CAP2: variants seen among roughly 807,000 people sequenced by gnomAD.
CAP2 encodes adenylyl cyclase-associated protein 2.
In CAP2, 24 loss-of-function variants were observed where a neutral mutation model predicts 57.7. The ratio of observed to expected loss-of-function variants is 0.42; its 90% CI spans 0.30 to 0.58. The LOEUF (loss-of-function observed/expected upper bound fraction) is 0.58, where lower values mean the gene tolerates loss of function less well. CAP2 is among the 20% of genes least tolerant of loss of function. The pLI is 0.22. For missense variants in CAP2, 501 were observed against 590.3 expected, an observed-to-expected ratio of 0.85 and a Z score of 1.57; for synonymous variants, 194 against 207.2, an observed-to-expected ratio of 0.94 and a Z score of 0.55.
At chr6:17,433,900 A>G (rs551788742) in intron 3 of CAP2, among the ~76,000 whole-genome samples, 96 of 152,298 alleles carry the variant, frequency 6.3e-4, no homozygotes, top group Middle Eastern at 3.4e-3. Flanking sequence ...CTATCTCACT[A>G]AACATCCTAA....
At chr6:17,506,070 A>AT (rs991798579) in intron 4 of CAP2, among the ~76,000 whole-genome samples, 14 of 150,130 alleles carry the variant, frequency 9.3e-5, no homozygotes, top group Admixed American at 2.0e-4. Context: ...CATTTTTCAC[A>AT]TTTTTTTTTG....
chr6:17,516,437 C>T (rs941417649), intron 7 of CAP2, among the ~76,000 whole-genome samples: 1 of 152,130 alleles, frequency 6.6e-6, no homozygotes, highest in Admixed American at 6.5e-5. Context: ...ATTAATGTTA[C>T]AGTGGACTTA....
At chr6:17,525,911 T>G (rs1762492587) in intron 7 of CAP2, among the ~76,000 whole-genome samples, 1 of 152,088 alleles carries the variant, frequency 6.6e-6, no homozygotes, top group Admixed American at 6.6e-5. Context: ...ATGAGCTCAT[T>G]GAATGCAGGC....
At chr6:17,527,883 G>A (rs535071260) in intron 7 of CAP2, among the ~76,000 whole-genome samples, 1 of 152,278 alleles carries the variant, frequency 6.6e-6, no homozygotes, top group South Asian at 2.1e-4. Flanking sequence ...GATTACAGGC[G>A]TGAGCCACTG....
intron 11 of CAP2, among the ~76,000 whole-genome samples, chr6:17,550,782 C>T (rs763828252): frequency 3.9e-5 from 6 of 152,012 alleles, no homozygotes; most frequent in Non-Finnish European, 8.8e-5. Flanking sequence ...TACAAAGAAT[C>T]GCCTCCTCTT....
At chr6:17,553,870 A>T (rs1208679082) in intron 12 of CAP2, among the ~76,000 whole-genome samples, 1 of 152,112 alleles carries the variant, frequency 6.6e-6, no homozygotes, top group Non-Finnish European at 1.5e-5. Context: ...GCTGTTGTGC[A>T]ATTACTATCA....
intron 4 of CAP2, among the ~76,000 whole-genome samples, chr6:17,481,653 C>G (rs1253308825): frequency 6.6e-6 from 1 of 152,058 alleles, no homozygotes; most frequent in African/African-American, 2.4e-5. Context: ...GTTTTGTTTC[C>G]TACAGTGGCA....
chr6:17,440,466 C>A (rs1157471367), intron 3 of CAP2, among the ~76,000 whole-genome samples: 1 of 151,462 alleles, frequency 6.6e-6, no homozygotes, highest in Admixed American at 6.6e-5. Flanking sequence ...TAATTACTGA[C>A]CTCTTCCTTT....
intron 7 of CAP2, among the ~76,000 whole-genome samples, chr6:17,522,093 A>G (rs1163655501): frequency 6.6e-6 from 1 of 152,118 alleles, no homozygotes; most frequent in African/African-American, 2.4e-5. Flanking sequence ...TGGGCGACAG[A>G]GCAAGACTCT....
At chr6:17,430,452 G>A (rs1216626594) in intron 3 of CAP2, among the ~76,000 whole-genome samples, 2 of 152,012 alleles carry the variant, frequency 1.3e-5, no homozygotes, top group Non-Finnish European at 2.9e-5. Flanking sequence ...CAATGTCAAA[G>A]AAGCAGATCC....
chr6:17,499,587 C>T (rs1272462291), intron 4 of CAP2, among the ~76,000 whole-genome samples: 7 of 151,942 alleles, frequency 4.6e-5, no homozygotes, highest in Non-Finnish European at 7.4e-5. Context: ...CGGTGGCTCA[C>T]GCCTGTAATC....
intron 7 of CAP2, among the ~76,000 whole-genome samples, chr6:17,529,615 T>G (rs932465547): frequency 7.2e-6 from 1 of 138,388 alleles, no homozygotes; most frequent in Non-Finnish European, 1.5e-5. Context: ...CACTCCGGCC[T>G]GGGCAACAGA....
intron 12 of CAP2, among the ~76,000 whole-genome samples, chr6:17,552,478 G>A (rs1010466914): frequency 1.3e-5 from 2 of 152,018 alleles, no homozygotes; most frequent in Non-Finnish European, 2.9e-5. Flanking sequence ...GCAAAAGCCC[G>A]TCTCTACTAA....
chr6:17,544,941 G>T (rs1176086030), intron 11 of CAP2, among the ~76,000 whole-genome samples: 1 of 152,136 alleles, frequency 6.6e-6, no homozygotes, highest in Admixed American at 6.6e-5. Context: ...TTTTAAGGAG[G>T]TTGCTCATCT....
intron 4 of CAP2, among the ~76,000 whole-genome samples, chr6:17,465,739 C>T (rs1446616902): frequency 1.3e-5 from 2 of 152,188 alleles, no homozygotes; most frequent in Non-Finnish European, 2.9e-5. Flanking sequence ...TAGCAGAGGG[C>T]TGGACAGGAG....
chr6:17,553,928 G>C (rs1581619306), intron 12 of CAP2, among the ~76,000 whole-genome samples: 1 of 152,114 alleles, frequency 6.6e-6, no homozygotes, highest in South Asian at 2.1e-4. Context: ...TGGTTCTTGA[G>C]AACAAACACC....
chr6:17,525,032 G>GACT (rs1162570822), intron 7 of CAP2, among the ~76,000 whole-genome samples: 1 of 151,708 alleles, frequency 6.6e-6, no homozygotes, highest in Non-Finnish European at 1.5e-5. Flanking sequence ...GAGTAGCTGG[G>GACT]ACTACAGGTG....
chr6:17,480,773 G>GTT (rs79702682), intron 4 of CAP2, among the ~76,000 whole-genome samples: 3 of 136,364 alleles, frequency 2.2e-5, no homozygotes, highest in Admixed American at 1.5e-4. Context: ...GGTTTTTTTG[G>GTT]TTTTTTTTTT....
chr6:17,528,012 G>A (rs999527180), intron 7 of CAP2, among the ~76,000 whole-genome samples: 1 of 152,176 alleles, frequency 6.6e-6, no homozygotes, highest in Non-Finnish European at 1.5e-5. Context: ...GTTTTTAGAA[G>A]GGCCACATCT....
Sources: gnomAD v4.1 joint callset for allele counts (sites outside exome capture counted in the v4.1 genomes callset) on GRCh38, gnomAD v4.1.1 for gene constraint, MANE v1.5 for transcripts, NCBI Gene and HGNC (gene_info 2026-07-23, HGNC 2026-07-21) for gene names.